Variants in SHB observed in about 807,000 individuals in gnomAD.
The protein encoded by SHB is SH2 domain containing adaptor protein B.
Under a neutral mutation model 52.3 loss-of-function variants are expected in SHB, and 20 were observed. That is an observed-to-expected ratio of 0.38 (90% CI 0.27 to 0.56). The LOEUF (loss-of-function observed/expected upper bound fraction) is 0.56. Ranked by LOEUF, SHB falls within the 20% of genes least tolerant of loss-of-function variation. The probability of loss-of-function intolerance (pLI) is 0.71; values close to 1 mark genes in which losing one functional copy is unlikely to be tolerated. For missense variants in SHB, 825 were observed against 723.3 expected, an observed-to-expected ratio of 1.14 and a Z score of -1.61; for synonymous variants, 397 against 316.5, an observed-to-expected ratio of 1.25 and a Z score of -2.70.
At chr9:37,931,089 T>A (rs1832306446) in intron 5 of SHB, among the ~76,000 whole-genome samples, 1 of 152,178 alleles carries the variant, frequency 6.6e-6, no homozygotes, top group Non-Finnish European at 1.5e-5. Context: ...TGGACCCATA[T>A]CTTCTATTAC....
intron 2 of SHB, among the ~76,000 whole-genome samples, chr9:38,014,843 C>A (rs905792989): frequency 1.3e-5 from 2 of 152,210 alleles, no homozygotes; most frequent in Non-Finnish European, 2.9e-5. Context: ...GGCTACACAG[C>A]CCTATAAGCT....
intron 2 of SHB, among the ~76,000 whole-genome samples, chr9:38,003,535 A>G (rs1290656786): frequency 1.3e-5 from 2 of 152,076 alleles, no homozygotes; most frequent in Non-Finnish European, 2.9e-5. Flanking sequence ...TCCTGAGGGG[A>G]GGGCCAAGGT....
At chr9:38,037,152 G>A (rs1821499478) in intron 1 of SHB, among the ~76,000 whole-genome samples, 1 of 152,308 alleles carries the variant, frequency 6.6e-6, no homozygotes. Flanking sequence ...TTTTCCCGGA[G>A]AAGAATCCTG....
chr9:37,978,171 A>G (rs566048024), intron 2 of SHB, among the ~76,000 whole-genome samples: 2 of 152,364 alleles, frequency 1.3e-5, no homozygotes, highest in Admixed American at 1.3e-4. Flanking sequence ...CATTAGAGAC[A>G]GATATTCTCC....
chr9:37,947,854 G>A lies in SHB; in HGVS notation c.1346+781C>T, dbSNP rs544032998. Reference sequence around the variant, plus strand: ...CTGGGGGATCTGTGCTGGCTGAAGAGCCTGGGTTTACACCCCAGTTATGTC... The same window carrying A: ...CTGGGGGATCTGTGCTGGCTGAAGAACCTGGGTTTACACCCCAGTTATGTC... On this transcript the variant is annotated intron_variant, in intron 5 of 5. Transcript: ENST00000377707. Among the ~76,000 whole-genome samples, 797 of 152,312 alleles carry A rather than the reference G, an allele frequency of 5.2e-3. 6 individuals are homozygous for A. Among genetic ancestry groups the A allele is most frequent in the African/African-American group, 0.019 (770 of 41,570 alleles).
In SHB at chr9:38,068,482, C is replaced by G; in HGVS notation, c.164G>C (p.Cys55Ser). The G allele has an allele frequency of 6.6e-7, 1 of 1,505,482 alleles. No homozygotes were observed. Among genetic ancestry groups the G allele is most frequent in the Non-Finnish European group, 8.8e-7 (1 of 1,132,986 alleles). 93.3% of individuals were successfully genotyped at this position (1,505,482 alleles called of 1,614,324 possible). A position where few individuals can be genotyped will look rare whatever the true frequency, so the allele number is the denominator to read the frequency against. ...GAAGCAGGAGGCGGTGGCCGGACCG[C>G]AGGACGCCGAGGCGGCGGAGGAGGC... ...PQASSAASAS[C>S]GPATASCFSA... Residue 55 changes from cysteine to serine, a missense_variant, in exon 1 of 6, where the codon TGC (cysteine) becomes TCC (serine). By Grantham distance (112) the Cys-to-Ser change is moderately radical. Coordinates refer to ENST00000377707, the MANE Select transcript of SHB (RefSeq NM_003028.3).
chr9:37,964,535 G>T (rs372178292), intron 3 of SHB, among the ~76,000 whole-genome samples: 1 of 152,126 alleles, frequency 6.6e-6, no homozygotes, highest in African/African-American at 2.4e-5. Flanking sequence ...GGCCTCTACG[G>T]CTGCCAAAGC....
At chr9:38,046,809 G>GTAAAAATCCC (rs1444765930) in intron 1 of SHB, among the ~76,000 whole-genome samples, 1 of 152,224 alleles carries the variant, frequency 6.6e-6, no homozygotes, top group Non-Finnish European at 1.5e-5. Context: ...AGGCCTGACA[G>GTAAAAATCCC]TAAAAATCCC....
At chr9:37,936,215 C>CA (rs1485814348) in intron 5 of SHB, among the ~76,000 whole-genome samples, 1 of 151,948 alleles carries the variant, frequency 6.6e-6, no homozygotes, top group Non-Finnish European at 1.5e-5. Context: ...GACTCTGTCT[C>CA]AAAAAACAAA....
intron 2 of SHB, among the ~76,000 whole-genome samples, chr9:38,003,299 T>G (rs1450186716): frequency 6.6e-6 from 1 of 152,032 alleles, no homozygotes; most frequent in East Asian, 1.9e-4. Context: ...GGTTCTGTCC[T>G]AGGCTGAGGC....
intron 2 of SHB, among the ~76,000 whole-genome samples, chr9:37,985,699 G>A (rs185705819): frequency 1.4e-4 from 21 of 152,280 alleles, no homozygotes; most frequent in Admixed American, 3.9e-4. Context: ...TTTCTTCCTC[G>A]AATACCCACT....
intron 5 of SHB, among the ~76,000 whole-genome samples, chr9:37,947,655 G>C (rs1029695384): frequency 6.6e-6 from 1 of 152,244 alleles, no homozygotes; most frequent in Non-Finnish European, 1.5e-5. Context: ...GTCGTGAGCA[G>C]AGAACACAGG....
chr9:38,057,212 AGTT>A (rs1486277309), intron 1 of SHB, among the ~76,000 whole-genome samples: 1 of 152,224 alleles, frequency 6.6e-6, no homozygotes, highest in Non-Finnish European at 1.5e-5. Context: ...ATTAAATTAC[AGTT>A]GTTAAATATT....
At chr9:38,026,827 G>C (rs1821348950) in intron 1 of SHB, among the ~76,000 whole-genome samples, 2 of 152,190 alleles carry the variant, frequency 1.3e-5, no homozygotes, top group Non-Finnish European at 2.9e-5. Context: ...GTCTGTGATG[G>C]TGTTTATCGC....
intron 5 of SHB, among the ~76,000 whole-genome samples, chr9:37,941,090 T>G (rs535924362): frequency 1.3e-4 from 20 of 152,268 alleles, no homozygotes; most frequent in African/African-American, 4.6e-4. Context: ...TCTGTGAGAT[T>G]CTCTAGCATT....
At chr9:38,028,695 CTATT>C (rs1310496003) in intron 1 of SHB, among the ~76,000 whole-genome samples, 2 of 152,242 alleles carry the variant, frequency 1.3e-5, no homozygotes, top group Non-Finnish European at 2.9e-5. Flanking sequence ...GTTAAGGAGT[CTATT>C]TATTCATTAA....
At position 38,068,682 on chromosome 9, in the gene SHB, G is replaced by C; in HGVS notation, c.-37C>G. On this transcript the variant is annotated 5_prime_UTR_variant, in exon 1 of 6. Transcript: ENST00000377707. ...GCCTAGGGCCGCGGCGCGGGAGCCCGGTCCGCCGCCGCGGCCATTCGGGGG... is the reference window on the plus strand; with the variant it reads ...GCCTAGGGCCGCGGCGCGGGAGCCCCGTCCGCCGCCGCGGCCATTCGGGGG... 1 of 1,266,356 alleles carries C rather than the reference G, an allele frequency of 7.9e-7. No individual in the cohort carries two copies. Among genetic ancestry groups the C allele is most frequent in the Non-Finnish European group, 9.9e-7 (1 of 1,010,536 alleles). 78.4% of individuals were successfully genotyped at this position (1,266,356 alleles called of 1,614,324 possible). A position where few individuals can be genotyped will look rare whatever the true frequency, so the allele number is the denominator to read the frequency against.
intron 1 of SHB, among the ~76,000 whole-genome samples, chr9:38,039,427 G>C (rs1480642160): frequency 5.9e-5 from 9 of 152,264 alleles, no homozygotes; most frequent in African/African-American, 1.9e-4. Context: ...CTTCAAGTTT[G>C]CAAGAAGTCT....
intron 2 of SHB, among the ~76,000 whole-genome samples, chr9:37,980,218 G>A (rs942753333): frequency 5.9e-5 from 9 of 152,138 alleles, no homozygotes; most frequent in South Asian, 2.1e-4. Flanking sequence ...TTTTACCCAC[G>A]GCAGAACTTC....
Sources: gnomAD v4.1 joint callset for allele counts (sites outside exome capture counted in the v4.1 genomes callset) on GRCh38, gnomAD v4.1.1 for gene constraint, MANE v1.5 for transcripts, NCBI Gene and HGNC (gene_info 2026-07-23, HGNC 2026-07-21) for gene names.